The following COX5A variants were observed in gnomAD, a reference collection of about 807,000 sequenced individuals.
The protein encoded by COX5A is cytochrome c oxidase subunit 5A, mitochondrial.
In COX5A, 6 loss-of-function variants were observed where a neutral mutation model predicts 16.1. The observed-to-expected ratio is 0.37, with a 90% CI of 0.20 to 0.73. The LOEUF is 0.73. Ranked by LOEUF, COX5A falls within the 30% of genes least tolerant of loss-of-function variation. The probability of loss-of-function intolerance (pLI) is 0.50; values close to 1 mark genes in which losing one functional copy is unlikely to be tolerated. For synonymous variants in COX5A, 73 were observed against 73.8 expected, an observed-to-expected ratio of 0.99 and a Z score of 0.06; for missense variants, 159 against 194.9, an observed-to-expected ratio of 0.82 and a Z score of 1.10.
intron 2 of COX5A, among the ~76,000 whole-genome samples, chr15:74,928,842 C>T (rs1473622171): frequency 6.6e-6 from 1 of 152,166 alleles, no homozygotes; most frequent in African/African-American, 2.4e-5. Flanking sequence ...TGTGTGCATA[C>T]TGGCTCCTAG....
intron 1 of COX5A, among the ~76,000 whole-genome samples, chr15:74,936,281 CAAAA>C (rs1595864005): frequency 1.3e-5 from 2 of 150,080 alleles, no homozygotes; most frequent in East Asian, 4.0e-4. Flanking sequence ...AAAAACAAAA[CAAAA>C]CAAAACAAAA....
chr15:74,920,438 C>T lies in COX5A; in HGVS notation c.*14G>A, dbSNP rs1326430288. The stretch of plus-strand genomic sequence containing the variant: ...CAATGTCAATAAATCCTTGGGGAAG[C>T]CCATCTGTAAGAGAAAACACAAAGA... On this transcript the variant is annotated 3_prime_UTR_variant, in exon 5 of 5. Transcript: ENST00000322347. 1 of 690,800 alleles carries T rather than the reference C, an allele frequency of 1.4e-6. No individual in the cohort carries two copies. Among genetic ancestry groups the T allele is most frequent in the Non-Finnish European group, 2.6e-6 (1 of 381,834 alleles). 42.8% of individuals were successfully genotyped at this position (690,800 alleles called of 1,614,324 possible). A position where few individuals can be genotyped will look rare whatever the true frequency, so the allele number is the denominator to read the frequency against.
intron 1 of COX5A, among the ~76,000 whole-genome samples, chr15:74,929,861 C>T (rs1412531522): frequency 1.4e-5 from 2 of 147,574 alleles, no homozygotes; most frequent in Non-Finnish European, 1.5e-5. Context: ...AGGCGGATCA[C>T]GAGGTCAGGA....
intron 3 of COX5A, 129 bp downstream of exon 3, chr15:74,926,637 T>C (rs1213388171): frequency 3.2e-6 from 3 of 949,124 alleles, no homozygotes; most frequent in African/African-American, 1.7e-5. Flanking sequence ...AACTGCAATG[T>C]ACATTCCTTC....
chr15:74,930,886 G>A (rs141049012), intron 1 of COX5A, among the ~76,000 whole-genome samples: 2,926 of 150,090 alleles, frequency 0.019, 96 homozygotes, highest in African/African-American at 0.067. Context: ...GTGTGGTGGC[G>A]GGCGCCTGTG....
intron 1 of COX5A, among the ~76,000 whole-genome samples, chr15:74,933,799 A>G (rs2141274502): frequency 6.6e-6 from 1 of 152,270 alleles, no homozygotes; most frequent in Non-Finnish European, 1.5e-5. Flanking sequence ...CATCCACAAC[A>G]GTGCTTCATG....
At chr15:74,925,788 G>T (rs980662810) in intron 3 of COX5A, among the ~76,000 whole-genome samples, 21 of 151,998 alleles carry the variant, frequency 1.4e-4, no homozygotes, top group Admixed American at 1.4e-3. Flanking sequence ...CTAACATTTC[G>T]TATGACAAAT....
At chr15:74,937,380 T>C (rs1447960456) in intron 1 of COX5A, among the ~76,000 whole-genome samples, 2 of 152,178 alleles carry the variant, frequency 1.3e-5, no homozygotes, top group Non-Finnish European at 2.9e-5. Flanking sequence ...CGTGGAAGAA[T>C]TAGAACGTGG....
intron 1 of COX5A, among the ~76,000 whole-genome samples, chr15:74,933,118 A>G (rs1427494516): frequency 2.0e-5 from 3 of 150,770 alleles, no homozygotes; most frequent in East Asian, 2.0e-4. Flanking sequence ...CAAATTTAAT[A>G]TATCAGAAAA....
chr15:74,929,373 T>C lies in COX5A; in HGVS notation c.101-141A>G, dbSNP rs77302218. On this transcript the variant is annotated intron_variant, in intron 1 of 4. Transcript: ENST00000322347. ...GGTCAAATGAAATACATCGTATACA[T>C]TGATACAGAAAGATATATTTTAAAT... is the stretch of plus-strand genomic sequence containing the variant. The C allele has an allele frequency of 2.2e-3, 1,323 of 609,004 alleles. 14 individuals are homozygous for C. Among genetic ancestry groups the C allele is most frequent in the East Asian group, 0.021 (753 of 36,226 alleles). 37.7% of individuals were successfully genotyped at this position (609,004 alleles called of 1,614,324 possible).
chr15:74,929,535 G>A (rs567604582), intron 1 of COX5A, among the ~76,000 whole-genome samples: 5 of 152,218 alleles, frequency 3.3e-5, no homozygotes, highest in African/African-American at 9.6e-5. Flanking sequence ...ATCATGGGAC[G>A]TAAAAACTAC....
Position 74,937,912 on chromosome 15 carries a change from T to C in COX5A, c.100+3A>G, listed in dbSNP as rs2065399453. 2 of 1,230,474 alleles carry C rather than the reference T, an allele frequency of 1.6e-6. No homozygotes were observed. The highest frequency in any genetic ancestry group is 2.0e-6 in the Non-Finnish European group (2 of 985,718). The allele number at this position is 1,230,474 out of a possible 1,614,324, so 76.2% of individuals were successfully genotyped here. A position where few individuals can be genotyped will look rare whatever the true frequency, so the allele number is the denominator to read the frequency against. ...CGCGGGCAGTGGCAAGCAGGGGCCT[T>C]ACCCACGGCGGGGCCGGGGGTCCGG... On this transcript the variant is annotated splice_donor_region_variant and intron_variant, in intron 1 of 4. Transcript: ENST00000322347.
At chr15:74,928,680 C>T (rs528913313) in intron 2 of COX5A, among the ~76,000 whole-genome samples, 3 of 152,246 alleles carry the variant, frequency 2.0e-5, no homozygotes, top group East Asian at 1.9e-4. Flanking sequence ...CCACCGCGCC[C>T]GTGCTATGTA....
chr15:74,931,242 T>C (rs1379198586), intron 1 of COX5A, among the ~76,000 whole-genome samples: 1 of 152,082 alleles, frequency 6.6e-6, no homozygotes. Context: ...GGCTCACACC[T>C]GTAATGCCAG....
chr15:74,932,441 C>T (rs1342412583), intron 1 of COX5A, among the ~76,000 whole-genome samples: 1 of 152,052 alleles, frequency 6.6e-6, no homozygotes. Flanking sequence ...AGCCACCATG[C>T]CCAGCCTTAA....
chr15:74,921,179 A>C (rs1362105363), intron 4 of COX5A, among the ~76,000 whole-genome samples: 1 of 145,960 alleles, frequency 6.9e-6, no homozygotes, highest in Admixed American at 6.8e-5. Context: ...AGGCCGAGGC[A>C]GGCAGATCGC....
intron 4 of COX5A, 197 bp downstream of exon 4, chr15:74,923,449 GAA>G: frequency 2.1e-6 from 1 of 484,232 alleles, no homozygotes; most frequent in South Asian, 3.6e-5. Flanking sequence ...AAGAAGGAAA[GAA>G]AGAAAATAAT....
At chr15:74,927,381 T>C (rs113915655) in intron 2 of COX5A, among the ~76,000 whole-genome samples, 11,063 of 152,060 alleles carry the variant, frequency 0.073, 970 homozygotes, top group South Asian at 0.36. Flanking sequence ...TTCAGCATCT[T>C]GGCCTGGCTG....
At chr15:74,937,660 C>A in intron 1 of COX5A, 1 of 309,480 alleles carries the variant, frequency 3.2e-6, no homozygotes, top group Non-Finnish European at 5.9e-6. Context: ...GTCCCCTCCT[C>A]GGCGCCCACA....
Sources: gnomAD v4.1 joint callset for allele counts (sites outside exome capture counted in the v4.1 genomes callset) on GRCh38, gnomAD v4.1.1 for gene constraint, MANE v1.5 for transcripts, NCBI Gene and HGNC (gene_info 2026-07-23, HGNC 2026-07-21) for gene names.